MYO1B: variants seen among roughly 807,000 people sequenced by gnomAD.
MYO1B encodes myosin IB, also known as unconventional myosin-Ib.
In MYO1B, 72 loss-of-function variants were observed where a neutral mutation model predicts 159.7. The ratio of observed to expected loss-of-function variants is 0.45; its 90% CI spans 0.37 to 0.55. The LOEUF is 0.55. MYO1B is among the 20% of genes least tolerant of loss of function. The probability of loss-of-function intolerance (pLI) is 0.00; values close to 1 mark genes in which losing one functional copy is unlikely to be tolerated. For missense variants in MYO1B, 1,062 were observed against 1,364.8 expected (o/e 0.78, Z 3.50); for synonymous variants, 468 against 473.8 (o/e 0.99, Z 0.16).
intron 14 of MYO1B, among the ~76,000 whole-genome samples, chr2:191,383,014 G>C (rs1392889155): frequency 1.3e-5 from 2 of 152,176 alleles, no homozygotes; most frequent in Non-Finnish European, 2.9e-5. Flanking sequence ...GAAGTGCATG[G>C]GAAATTGCTG....
chr2:191,339,347 T>C (rs556895834), intron 4 of MYO1B, among the ~76,000 whole-genome samples: 1 of 152,328 alleles, frequency 6.6e-6, no homozygotes, highest in South Asian at 2.1e-4. Flanking sequence ...ATAAAGTCTT[T>C]GTCTGTAAGT....
At chr2:191,337,990 A>C (rs941823217) in intron 4 of MYO1B, among the ~76,000 whole-genome samples, 1 of 152,198 alleles carries the variant, frequency 6.6e-6, no homozygotes, top group Non-Finnish European at 1.5e-5. Context: ...TGAGGTAACT[A>C]TTATTTCCAG....
At chr2:191,399,409 T>C (rs1250711848) in intron 21 of MYO1B, among the ~76,000 whole-genome samples, 1 of 152,228 alleles carries the variant, frequency 6.6e-6, no homozygotes, top group East Asian at 1.9e-4. Context: ...ATTCATTTAT[T>C]TCACAGATTG....
intron 15 of MYO1B, among the ~76,000 whole-genome samples, chr2:191,384,508 T>C (rs1430024678): frequency 1.3e-5 from 2 of 152,228 alleles, no homozygotes. Context: ...GGCATCACTA[T>C]TTTTCAATAA....
At chr2:191,336,720 G>A (rs1331542616) in intron 4 of MYO1B, among the ~76,000 whole-genome samples, 2 of 152,116 alleles carry the variant, frequency 1.3e-5, no homozygotes, top group African/African-American at 4.8e-5. Context: ...GCTAAAAGGT[G>A]GTTTCTCCAA....
intron 2 of MYO1B, among the ~76,000 whole-genome samples, 182 bp downstream of exon 2, chr2:191,277,212 C>A (rs529804063): frequency 6.6e-6 from 1 of 152,086 alleles, no homozygotes; most frequent in Non-Finnish European, 1.5e-5. Flanking sequence ...GTGGGTTAGA[C>A]AAGTCAGTCT....
At chr2:191,285,665 AT>A (rs1239033772) in intron 2 of MYO1B, among the ~76,000 whole-genome samples, 1 of 152,166 alleles carries the variant, frequency 6.6e-6, no homozygotes, top group Non-Finnish European at 1.5e-5. Context: ...AACAGAACCT[AT>A]GAATAAGAGG....
intron 3 of MYO1B, among the ~76,000 whole-genome samples, chr2:191,311,090 G>A (rs1689974871): frequency 6.6e-6 from 1 of 152,126 alleles, no homozygotes; most frequent in African/African-American, 2.4e-5. Context: ...GTGTTCATTG[G>A]ATGCATAGGT....
Position 191,415,589 on chromosome 2 carries a change from T to TG in MYO1B, c.3160-526_3160-525insG, listed in dbSNP as rs572504950. On this transcript the variant is annotated intron_variant, in intron 29 of 30. Transcript: ENST00000392318. ...AGGGGGCACAAGCATCATGTTTTTT[T>TG]TTTTGTTTTGTTTTGTTTTTTTTTT... is the stretch of plus-strand genomic sequence containing the variant. 1.2e-4 allele frequency among the ~76,000 whole-genome samples: 18 copies of TG among 151,102 alleles called. No individual in the cohort carries two copies. In the South Asian group the frequency reaches 1.2e-3, roughly 10 times the overall value.
chr2:191,380,782 T>G (rs1448540821), intron 13 of MYO1B, among the ~76,000 whole-genome samples: 1 of 152,128 alleles, frequency 6.6e-6, no homozygotes, highest in Non-Finnish European at 1.5e-5. Context: ...CTCCATTTGG[T>G]AGGAACTTCA....
chr2:191,264,902 T>C (rs191253960), intron 1 of MYO1B, among the ~76,000 whole-genome samples: 339 of 151,988 alleles, frequency 2.2e-3, no homozygotes, highest in East Asian at 8.5e-3. Flanking sequence ...TAGGAGATGA[T>C]GTGTTATACG....
chr2:191,324,260 T>C (rs1368674159), intron 3 of MYO1B, among the ~76,000 whole-genome samples: 2 of 152,178 alleles, frequency 1.3e-5, no homozygotes, highest in African/African-American at 4.8e-5. Context: ...TTCGACATGG[T>C]TGGATTTAAT....
chr2:191,288,142 A>G (rs10931493), intron 2 of MYO1B, among the ~76,000 whole-genome samples: 78,900 of 151,652 alleles, frequency 0.52, 21,486 homozygotes, highest in East Asian at 0.66. Context: ...CCTCTTGGGT[A>G]TAGTGAATAA....
chr2:191,383,281 A>G lies in MYO1B; in HGVS notation c.1292A>G (p.Asp431Gly). 1 of 1,571,060 alleles carries G rather than the reference A, an allele frequency of 6.4e-7. No homozygotes were observed. Among genetic ancestry groups the G allele is most frequent in the Non-Finnish European group, 8.6e-7 (1 of 1,159,552 alleles). ...KEEQEEYIRE[D>G]IEWTHIDYFN... Reference sequence around the variant, plus strand: ...ATTTTGTTCTGTTTTGTCTTTTAGGATATAGAATGGACTCACATTGACTAC... The same window carrying G: ...ATTTTGTTCTGTTTTGTCTTTTAGGGTATAGAATGGACTCACATTGACTAC... Residue 431 changes from aspartate to glycine, a missense_variant and splice_region_variant, in exon 15 of 31, where the codon GAT (aspartate) becomes GGT (glycine). Physicochemically the swap from Asp to Gly is moderately conservative, Grantham distance 94. Around this residue, in one of 5 missense-constraint regions of MYO1B, gnomAD observed 415 missense variants for 544.0 expected, o/e 0.76. Transcript: ENST00000392318.
At chr2:191,280,969 GT>G (rs1183080026) in intron 2 of MYO1B, among the ~76,000 whole-genome samples, 2 of 152,220 alleles carry the variant, frequency 1.3e-5, no homozygotes, top group Non-Finnish European at 2.9e-5. Context: ...GCAGAGAAGA[GT>G]AAACAGCTTC....
At chr2:191,356,684 A>G (rs1693314009) in intron 7 of MYO1B, among the ~76,000 whole-genome samples, 1 of 152,212 alleles carries the variant, frequency 6.6e-6, no homozygotes, top group Non-Finnish European at 1.5e-5. Context: ...ATTGGTGTTT[A>G]TTAGGGTAGT....
chr2:191,349,953 G>A (rs1384047107), intron 6 of MYO1B, among the ~76,000 whole-genome samples: 1 of 152,102 alleles, frequency 6.6e-6, no homozygotes, highest in Non-Finnish European at 1.5e-5. Context: ...TTAGCAGTGG[G>A]TTATATTAGC....
At chr2:191,399,011 C>A (rs1696407777) in intron 21 of MYO1B, among the ~76,000 whole-genome samples, 3 of 152,224 alleles carry the variant, frequency 2.0e-5, no homozygotes. Flanking sequence ...CGTCTGCAAT[C>A]CCGGCACCTC....
chr2:191,402,609 A>G (rs778407693), intron 23 of MYO1B, 23 bp from the exon 24 acceptor site: 3 of 1,607,526 alleles, frequency 1.9e-6, no homozygotes, highest in Middle Eastern at 1.6e-4. Flanking sequence ...TGTCTCTTTT[A>G]TTTACTATCT....
Sources: gnomAD v4.1 joint callset for allele counts (sites outside exome capture counted in the v4.1 genomes callset) on GRCh38, gnomAD v4.1.1 for gene constraint, gnomAD v4.1.1 regional missense constraint, MANE v1.5 for transcripts, NCBI Gene and HGNC (gene_info 2026-07-23, HGNC 2026-07-21) for gene names.